ELAVL1: variants seen among roughly 807,000 people sequenced by gnomAD.
ELAVL1 encodes ELAV like RNA binding protein 1.
Under a neutral mutation model 28.4 loss-of-function variants are expected in ELAVL1, and 1 was observed. The ratio of observed to expected loss-of-function variants is 0.04; its 90% CI spans 0.01 to 0.17. The LOEUF (loss-of-function observed/expected upper bound fraction) is 0.17. Ranked by LOEUF, ELAVL1 falls within the 10% of genes least tolerant of loss-of-function variation. The pLI is 1.00. For missense variants in ELAVL1, 157 were observed against 447.2 expected (o/e 0.35, Z 5.85); for synonymous variants, 174 against 183.5 (o/e 0.95, Z 0.42).
rs544341909 is a variant in ELAVL1 at position 7,974,851 on chromosome 19, A to AAC, written c.277-975_277-974dup. Among the ~76,000 whole-genome samples the AAC allele has an allele frequency of 1.7e-3, 252 of 152,282 alleles. 2 individuals carry two copies. Among genetic ancestry groups the AAC allele is most frequent in the African/African-American group, 5.7e-3 (238 of 41,568 alleles). Reference sequence around the variant, plus strand: ...CACTGGGCAGAATCTGCGTGCTGAGAACACACACACAGCATCCTCTGAGAA... The same window carrying AAC: ...CACTGGGCAGAATCTGCGTGCTGAGAACACACACACACAGCATCCTCTGAGAA... On this transcript the variant is annotated intron_variant, in intron 3 of 5. Transcript: ENST00000407627.
At position 7,981,680 on chromosome 19, in the gene ELAVL1, T is replaced by G. The variant is rs1375072783; in HGVS notation, c.173-494A>C. On this transcript the variant is annotated intron_variant, in intron 2 of 5. Coordinates refer to ENST00000407627, the MANE Select transcript of ELAVL1 (RefSeq NM_001419.3). The surrounding 1 kb of genome is among the most constrained non-coding windows in gnomAD (Gnocchi z 4.2). ...GCCACTGAGCCTGGCCAAGAGGTTT[T>G]ACTTTTGTAATTAAAATAACCCCAA... is the stretch of plus-strand genomic sequence containing the variant. Among the ~76,000 whole-genome samples, 2 of 152,242 alleles carry G rather than the reference T, an allele frequency of 1.3e-5. No homozygotes were observed. Among genetic ancestry groups the G allele is most frequent in the East Asian group, 3.8e-4 (2 of 5,206 alleles).
chr19:7,977,118 C>T (rs901962309), intron 3 of ELAVL1, among the ~76,000 whole-genome samples: 3 of 152,156 alleles, frequency 2.0e-5, no homozygotes, highest in Non-Finnish European at 4.4e-5. Flanking sequence ...ACCGCTGCTG[C>T]GTGAGTGGAG....
At chr19:7,976,043 T>C (rs917244531) in intron 3 of ELAVL1, among the ~76,000 whole-genome samples, 2 of 148,596 alleles carry the variant, frequency 1.3e-5, no homozygotes, top group African/African-American at 2.5e-5. Flanking sequence ...CAGTGAGCCG[T>C]GATCACATCA....
At chr19:7,980,950 G>A (rs1985445402) in intron 3 of ELAVL1, 133 bp downstream of exon 3, 1 of 836,108 alleles carries the variant, frequency 1.2e-6, no homozygotes, top group East Asian at 2.6e-5. Flanking sequence ...ACCTGACCAG[G>A]GTATCTGATG....
rs574109984 is a variant in ELAVL1, at chr19:8,001,911, C to G, written c.-17+3584G>C. On this transcript the variant is annotated intron_variant, in intron 1 of 5. Coordinates refer to ENST00000407627, the MANE Select transcript of ELAVL1 (RefSeq NM_001419.3). Reference sequence around the variant, plus strand: ...TACAAAATATAGAAGCAGTCCCAGTCCTGACCCTCAAGCGGTTCAGCCATT... The same window carrying G: ...TACAAAATATAGAAGCAGTCCCAGTGCTGACCCTCAAGCGGTTCAGCCATT... 12 of 490,032 alleles carry G rather than the reference C, an allele frequency of 2.4e-5. No homozygotes were observed. The East Asian group carries it at 8.5e-4, about 35-fold the overall frequency. 30.4% of individuals were successfully genotyped at this position (490,032 alleles called of 1,614,324 possible). A position where few individuals can be genotyped will look rare whatever the true frequency, so the allele number is the denominator to read the frequency against.
At chr19:8,000,301 T>C (rs552686149) in intron 1 of ELAVL1, among the ~76,000 whole-genome samples, 1 of 152,342 alleles carries the variant, frequency 6.6e-6, no homozygotes, top group Admixed American at 6.5e-5. Context: ...CCTGGTTGTC[T>C]ATGTGACATC....
chr19:7,991,055 G>C (rs1217643012), intron 2 of ELAVL1, among the ~76,000 whole-genome samples: 1 of 152,236 alleles, frequency 6.6e-6, no homozygotes, highest in Non-Finnish European at 1.5e-5. Flanking sequence ...TGAGGGAGTG[G>C]AACAGCAGGG....
At chr19:8,003,037 G>A (rs774481476) in intron 1 of ELAVL1, among the ~76,000 whole-genome samples, 1 of 152,194 alleles carries the variant, frequency 6.6e-6, no homozygotes, top group Non-Finnish European at 1.5e-5. Context: ...CGGAGAGTGA[G>A]AGAGGCAAGA....
chr19:7,991,932 C>CA, intron 1 of ELAVL1, 101 bp from the exon 2 acceptor site: 16 of 645,878 alleles, frequency 2.5e-5, no homozygotes, highest in Non-Finnish European at 3.1e-5. Context: ...TTCTTTCTTT[C>CA]TTTTTTTTTT....
intron 2 of ELAVL1, among the ~76,000 whole-genome samples, chr19:7,986,246 C>T (rs1011174017): frequency 6.6e-6 from 1 of 152,192 alleles, no homozygotes; most frequent in Non-Finnish European, 1.5e-5. Context: ...GAGGGCAGGT[C>T]CCGTGAGTTC....
chr19:7,998,927 G>T (rs2081058102), intron 1 of ELAVL1, among the ~76,000 whole-genome samples: 1 of 152,170 alleles, frequency 6.6e-6, no homozygotes, highest in African/African-American at 2.4e-5. Flanking sequence ...ACTGGTGTGT[G>T]CCACCATACC....
In ELAVL1 at chr19:7,963,264, G is replaced by A. The variant is rs1454639201; in HGVS notation, c.*219C>T. 2 of 574,294 alleles carry A rather than the reference G, an allele frequency of 3.5e-6. No individual in the cohort carries two copies. The highest frequency in any genetic ancestry group is 6.0e-6 in the Non-Finnish European group (2 of 331,532). The allele number at this position is 574,294 out of a possible 1,614,324, so 35.6% of individuals were successfully genotyped here. A position where few individuals can be genotyped will look rare whatever the true frequency, so the allele number is the denominator to read the frequency against. On this transcript the variant is annotated 3_prime_UTR_variant, in exon 6 of 6. Transcript: ENST00000407627. This position sits in a 1 kb window ranked among gnomAD's most constrained non-coding sequence, Gnocchi z 4.5. Reference sequence around the variant, plus strand: ...TTTCTGTTTAATATATATCTTAAAGGAAATAACTTACGAAACTTAAGATTG... The same window carrying A: ...TTTCTGTTTAATATATATCTTAAAGAAAATAACTTACGAAACTTAAGATTG...
chr19:7,973,927 G>A (rs1199485067), intron 3 of ELAVL1, 49 bp from the exon 4 acceptor site: 1 of 1,599,884 alleles, frequency 6.3e-7, no homozygotes, highest in Non-Finnish European at 8.6e-7. Flanking sequence ...CGTGGCCAAA[G>A]CATTGAGGAG....
intron 2 of ELAVL1, among the ~76,000 whole-genome samples, chr19:7,989,181 G>A (rs1985689610): frequency 1.3e-5 from 2 of 152,262 alleles, no homozygotes; most frequent in South Asian, 4.1e-4. Context: ...GAGACCTAGC[G>A]CCGTGCCCCG....
At chr19:7,999,274 G>A (rs2081059372) in intron 1 of ELAVL1, among the ~76,000 whole-genome samples, 1 of 152,240 alleles carries the variant, frequency 6.6e-6, no homozygotes, top group Admixed American at 6.5e-5. Context: ...TCAGGAGGCT[G>A]AGACAGCAGA....
At chr19:7,996,029 C>A (rs1322480118) in intron 1 of ELAVL1, among the ~76,000 whole-genome samples, 1 of 152,082 alleles carries the variant, frequency 6.6e-6, no homozygotes, top group African/African-American at 2.4e-5. Context: ...CCTCCTGCCT[C>A]AGCCTTCTGG....
At chr19:7,994,900 GC>G (rs1431172160) in intron 1 of ELAVL1, among the ~76,000 whole-genome samples, 2 of 152,204 alleles carry the variant, frequency 1.3e-5, no homozygotes, top group Non-Finnish European at 2.9e-5. Flanking sequence ...GGCTGCATGA[GC>G]CATGATGGCG....
At chr19:7,989,573 T>C (rs1378435227) in intron 2 of ELAVL1, among the ~76,000 whole-genome samples, 1 of 152,216 alleles carries the variant, frequency 6.6e-6, no homozygotes, top group Non-Finnish European at 1.5e-5. Context: ...TCCATGGGAA[T>C]GCTTGCAATA....
chr19:7,968,061 A>G (rs529072182), intron 4 of ELAVL1, among the ~76,000 whole-genome samples: 11 of 152,216 alleles, frequency 7.2e-5, no homozygotes, highest in Non-Finnish European at 1.0e-4. Context: ...GACATCCCCA[A>G]TAGACACCCA....
Sources: gnomAD v4.1 joint callset for allele counts (sites outside exome capture counted in the v4.1 genomes callset) on GRCh38, gnomAD v4.1.1 for gene constraint, Gnocchi (gnomAD v3.1) non-coding constraint, MANE v1.5 for transcripts, NCBI Gene and HGNC (gene_info 2026-07-23, HGNC 2026-07-21) for gene names.